The following TPH2 variants were observed in gnomAD, a reference collection of about 807,000 sequenced individuals.
TPH2 encodes the protein tryptophan hydroxylase 2, also known as tryptophan 5-hydroxylase 2.
TPH2 carries 27 observed loss-of-function variants against 59.1 expected under a neutral mutation model. That is an observed-to-expected ratio of 0.46 (90% confidence interval 0.34 to 0.63). The LOEUF (loss-of-function observed/expected upper bound fraction) is 0.63. Among genes scored for constraint, TPH2 ranks in the 30% least tolerant of loss-of-function variants. The pLI is 0.01. For synonymous variants in TPH2, 220 were observed against 210.5 expected, an observed-to-expected ratio of 1.05 and a Z score of -0.39; for missense variants, 523 against 588.3, an observed-to-expected ratio of 0.89 and a Z score of 1.15.
At chr12:71,976,704 G>A (rs1032772906) in intron 6 of TPH2, among the ~76,000 whole-genome samples, 14 of 152,206 alleles carry the variant, frequency 9.2e-5, no homozygotes, top group Non-Finnish European at 2.1e-4. Context: ...TGGGTCTGAG[G>A]AGGCCTGAGA....
At chr12:71,985,201 G>C (rs1872396549) in intron 7 of TPH2, among the ~76,000 whole-genome samples, 1 of 152,194 alleles carries the variant, frequency 6.6e-6, no homozygotes, top group Non-Finnish European at 1.5e-5. Context: ...TAACACAGCT[G>C]GTAAGTACGT....
intron 8 of TPH2, among the ~76,000 whole-genome samples, chr12:72,006,410 A>G (rs1872954115): frequency 6.6e-6 from 1 of 152,080 alleles, no homozygotes; most frequent in South Asian, 2.1e-4. Context: ...TGGTCAGTGC[A>G]TGGAGAGTTA....
intron 7 of TPH2, among the ~76,000 whole-genome samples, chr12:71,989,557 C>T (rs1425676831): frequency 6.6e-6 from 1 of 152,092 alleles, no homozygotes; most frequent in African/African-American, 2.4e-5. Flanking sequence ...GCAAACAAAA[C>T]CTAAAGAAAT....
chr12:72,031,152 G>T (rs1873710932), intron 9 of TPH2, 106 bp from the exon 10 acceptor site: 2 of 1,444,244 alleles, frequency 1.4e-6, no homozygotes, highest in East Asian at 4.6e-5. Context: ...TAACTGAGCA[G>T]CTCTGTAGGA....
intron 6 of TPH2, among the ~76,000 whole-genome samples, chr12:71,973,297 C>T (rs979945477): frequency 1.3e-5 from 2 of 152,126 alleles, no homozygotes; most frequent in African/African-American, 4.8e-5. Flanking sequence ...TCATAAAGAC[C>T]TTGCTGATAA....
At chr12:71,976,997 G>C (rs559387983) in intron 6 of TPH2, among the ~76,000 whole-genome samples, 3 of 152,290 alleles carry the variant, frequency 2.0e-5, no homozygotes, top group Admixed American at 6.5e-5. Flanking sequence ...GGAGATATTG[G>C]TCAAAGAGTA....
At chr12:72,003,803 A>G (rs1872883209) in intron 8 of TPH2, among the ~76,000 whole-genome samples, 2 of 152,216 alleles carry the variant, frequency 1.3e-5, no homozygotes, top group South Asian at 4.1e-4. Flanking sequence ...AAACAAATAC[A>G]TTTGCAATCT....
At chr12:72,004,109 C>T (rs893061715) in intron 8 of TPH2, among the ~76,000 whole-genome samples, 3 of 139,492 alleles carry the variant, frequency 2.2e-5, no homozygotes, top group Non-Finnish European at 4.6e-5. Flanking sequence ...AATGAAGATG[C>T]TATTCGGGAT....
At chr12:72,011,572 G>A (rs186318248) in intron 8 of TPH2, among the ~76,000 whole-genome samples, 7 of 152,250 alleles carry the variant, frequency 4.6e-5, no homozygotes, top group East Asian at 3.9e-4. Flanking sequence ...TTACAAACTC[G>A]TCCATTCTCT....
At chr12:71,944,533 G>A (rs1346440345) in intron 3 of TPH2, 53 bp from the exon 4 acceptor site, 2 of 1,613,474 alleles carry the variant, frequency 1.2e-6, no homozygotes, top group East Asian at 4.5e-5. Context: ...TATTGCAAAG[G>A]GGAAAACACA....
chr12:71,955,936 C>T (rs545778181), intron 5 of TPH2, among the ~76,000 whole-genome samples: 1 of 152,204 alleles, frequency 6.6e-6, no homozygotes, highest in Non-Finnish European at 1.5e-5. Flanking sequence ...TTTATTATCT[C>T]ACATAGTTTC....
At position 71,972,641 on chromosome 12, in the gene TPH2, C is replaced by T. The variant is rs1481207864; in HGVS notation, c.731C>T (p.Pro244Leu). 1 of 1,614,164 alleles carries T rather than the reference C, an allele frequency of 6.2e-7. No individual in the cohort carries two copies. Residue 244 changes from proline (P) to leucine (L), a missense_variant, in exon 6 of 11, where the codon CCT (proline) becomes CTT (leucine). Pro to Leu is a moderately conservative substitution (Grantham distance 98). Transcript: ENST00000333850. ...HACREYLKNF[P>L]LLTKYCGYRE... is the part of the protein sequence containing the mutation. ...TGCCGAGAGTATTTGAAAAACTTCCCTCTGCTGACTAAATACTGTGGCTAC... is the reference window on the plus strand; with the variant it reads ...TGCCGAGAGTATTTGAAAAACTTCCTTCTGCTGACTAAATACTGTGGCTAC...
Position 72,031,719 on chromosome 12 carries a change from G to C in TPH2, c.*24G>C. 1.2e-6 allele frequency: 2 copies of C among 1,612,944 alleles called. No homozygotes were observed. The highest frequency in any genetic ancestry group is 1.7e-6 in the Non-Finnish European group (2 of 1,179,114). On this transcript the variant is annotated 3_prime_UTR_variant, in exon 11 of 11. Coordinates refer to ENST00000333850, the MANE Select transcript of TPH2 (RefSeq NM_173353.4). ...GATGCCTGGAACTATGTTGTTGCCA[G>C]CATGATCTTTTTGGGGCTTAGCAGC...
In TPH2 at chr12:71,972,655, T is replaced by C; in HGVS notation, c.745T>C (p.Tyr249His). The C allele has an allele frequency of 6.2e-7, 1 of 1,614,204 alleles. No individual in the cohort carries two copies. The highest frequency in any genetic ancestry group is 8.5e-7 in the Non-Finnish European group (1 of 1,180,030). ...GAAAAACTTCCCTCTGCTGACTAAA[T>C]ACTGTGGCTACAGAGAGGACAATGT... ...YLKNFPLLTKYCGYREDNVPQ... is the reference protein window; with the variant it reads ...YLKNFPLLTKHCGYREDNVPQ... The change falls in exon 6 of 11, where the codon TAC becomes CAC. Residue 249 changes from tyrosine to histidine, a missense_variant. By Grantham distance (83) the Tyr-to-His change is moderately conservative. Transcript: ENST00000333850.
intron 8 of TPH2, among the ~76,000 whole-genome samples, chr12:71,995,237 C>G (rs1164687320): frequency 1.3e-5 from 2 of 152,070 alleles, no homozygotes; most frequent in Non-Finnish European, 2.9e-5. Context: ...TTAATGTTGG[C>G]TGCTACCTTT....
chr12:72,021,372 TG>T (rs1873411255), intron 8 of TPH2, among the ~76,000 whole-genome samples: 1 of 149,814 alleles, frequency 6.7e-6, no homozygotes, highest in Non-Finnish European at 1.5e-5. Flanking sequence ...TGTGTGTGTG[TG>T]TGTGTGTGTG....
At chr12:72,023,824 A>AAAAAAAAAG (rs1873494132) in intron 9 of TPH2, among the ~76,000 whole-genome samples, 1 of 126,744 alleles carries the variant, frequency 7.9e-6, no homozygotes, top group Non-Finnish European at 1.6e-5. Context: ...TCTGACAGAA[A>AAAAAAAAAG]AAAAAAAAAA....
chr12:71,943,567 A>G (rs1871128401), intron 2 of TPH2, among the ~76,000 whole-genome samples: 1 of 152,190 alleles, frequency 6.6e-6, no homozygotes, highest in Non-Finnish European at 1.5e-5. Flanking sequence ...GAAGATTGCC[A>G]AAAGAGAGCA....
At chr12:72,018,589 T>C (rs887184075) in intron 8 of TPH2, among the ~76,000 whole-genome samples, 4 of 152,156 alleles carry the variant, frequency 2.6e-5, no homozygotes, top group Non-Finnish European at 4.4e-5. Flanking sequence ...ACCCAAACGC[T>C]CCTGTAGCTG....
Sources: allele counts gnomAD v4.1 joint callset (sites outside exome capture counted in the v4.1 genomes callset), GRCh38; gene constraint gnomAD v4.1.1; transcripts MANE v1.5; gene names NCBI Gene and HGNC (gene_info 2026-07-23, HGNC 2026-07-21).